XRN2: variants seen among roughly 807,000 people sequenced by gnomAD.
XRN2 encodes 5'-3' exoribonuclease 2.
A neutral mutation model predicts 138.5 loss-of-function variants in XRN2; 44 were observed. That is an observed-to-expected ratio of 0.32 (90% CI 0.25 to 0.41). The LOEUF (loss-of-function observed/expected upper bound fraction) is 0.41. Ranked by LOEUF, XRN2 falls within the 10% of genes least tolerant of loss-of-function variation. The pLI is 1.00. For synonymous variants in XRN2, 354 were observed against 369.4 expected, an observed-to-expected ratio of 0.96 and a Z score of 0.48; for missense variants, 937 against 1,169.3, an observed-to-expected ratio of 0.80 and a Z score of 2.90.
At chr20:21,361,334 A>G (rs2038634953) in intron 24 of XRN2, among the ~76,000 whole-genome samples, 1 of 152,224 alleles carries the variant, frequency 6.6e-6, no homozygotes, top group East Asian at 1.9e-4. Context: ...GTTACCTATT[A>G]AGGAAAGGAT....
chr20:21,389,217 C>T, intron 29 of XRN2, 56 bp from the exon 30 acceptor site: 1 of 1,505,920 alleles, frequency 6.6e-7, no homozygotes, highest in African/African-American at 1.4e-5. Context: ...TTAAAGTTAA[C>T]TGACTTGCAG....
intron 1 of XRN2, among the ~76,000 whole-genome samples, chr20:21,322,709 G>C (rs938946893): frequency 3.3e-5 from 5 of 152,104 alleles, no homozygotes; most frequent in African/African-American, 1.2e-4. Context: ...AACATTATTT[G>C]TATATTTGTA....
intron 20 of XRN2, 141 bp from the exon 21 acceptor site, chr20:21,354,648 A>G: frequency 1.5e-6 from 1 of 660,264 alleles, no homozygotes; most frequent in Non-Finnish European, 2.6e-6. Context: ...TTTTGGCTTA[A>G]TGAGACAATA....
chr20:21,321,339 G>A (rs2038041048), intron 1 of XRN2, among the ~76,000 whole-genome samples: 1 of 150,106 alleles, frequency 6.7e-6, no homozygotes, highest in South Asian at 2.1e-4. Flanking sequence ...GTGTGTGTGT[G>A]TGTGTGTGTG....
chr20:21,339,183 A>G, intron 14 of XRN2, 95 bp downstream of exon 14: 2 of 1,306,694 alleles, frequency 1.5e-6, no homozygotes, highest in Non-Finnish European at 2.2e-6. Context: ...CTTGTCCAGT[A>G]GGACTTAGTC....
At chr20:21,381,678 T>C (rs1453172165) in intron 27 of XRN2, among the ~76,000 whole-genome samples, 1 of 148,210 alleles carries the variant, frequency 6.7e-6, no homozygotes, top group African/African-American at 2.5e-5. Context: ...ATGTAAAAAC[T>C]GTGTGTAATG....
chr20:21,367,930 T>C (rs996640063), intron 26 of XRN2, among the ~76,000 whole-genome samples: 1 of 152,174 alleles, frequency 6.6e-6, no homozygotes, highest in African/African-American at 2.4e-5. Context: ...ATGAGCATAA[T>C]TATATGCCCA....
intron 27 of XRN2, among the ~76,000 whole-genome samples, chr20:21,376,185 A>T (rs968410802): frequency 1.3e-5 from 2 of 151,946 alleles, no homozygotes; most frequent in African/African-American, 4.8e-5. Context: ...AGTGGCTCAC[A>T]CCTGTAATCC....
At chr20:21,303,706 G>A (rs2037772161) in intron 1 of XRN2, 6 of 1,260,834 alleles carry the variant, frequency 4.8e-6, no homozygotes, top group Non-Finnish European at 6.0e-6. Context: ...ATAGGGTTCC[G>A]AACTCGCAGG....
rs142928792 is a variant in XRN2, at chr20:21,359,365, T to C, written c.2255+1573T>C. On this transcript the variant is annotated intron_variant, in intron 24 of 29. Transcript: ENST00000377191. Reference sequence around the variant, plus strand: ...GCCTGGCCAACATGGTGAAACCCTATCTCTACTAAAACTGCAAAAAATTAG... The same window carrying C: ...GCCTGGCCAACATGGTGAAACCCTACCTCTACTAAAACTGCAAAAAATTAG... Among the ~76,000 whole-genome samples the C allele has an allele frequency of 4.0e-3, 611 of 152,116 alleles. 7 individuals are homozygous for C. The highest frequency in any genetic ancestry group is 0.014 in the African/African-American group (597 of 41,494).
In XRN2 at chr20:21,346,538, A is replaced by T. The variant is rs781272329; in HGVS notation, c.1653A>T (p.Arg551Ser). The T allele has an allele frequency of 6.2e-7, 1 of 1,613,778 alleles. No homozygotes were observed. Among genetic ancestry groups the T allele is most frequent in the Admixed American group, 1.7e-5 (1 of 59,984 alleles). ...TTGAAGGACTTTGCTGGGTTCTTAG[A>T]TATTATTACCAGGTACAAAAAGAAT... is the stretch of plus-strand genomic sequence containing the variant. ...SYVEGLCWVL[R>S]YYYQGCASWK... The change falls in exon 17 of 30, where the codon AGA becomes AGT. Residue 551 changes from arginine (R) to serine (S), a missense_variant. Transcript: ENST00000377191.
intron 28 of XRN2, among the ~76,000 whole-genome samples, chr20:21,386,384 G>C (rs2038937103): frequency 6.6e-6 from 1 of 152,192 alleles, no homozygotes; most frequent in Admixed American, 6.5e-5. Flanking sequence ...AAACAGCCAA[G>C]TCTCCTACCC....
chr20:21,367,493 A>T (rs2122315841), intron 26 of XRN2, among the ~76,000 whole-genome samples: 1 of 152,168 alleles, frequency 6.6e-6, no homozygotes. Flanking sequence ...TGGGCTTTAG[A>T]TCTTAAATGT....
At position 21,386,924 on chromosome 20, in the gene XRN2, C is replaced by T. The variant is rs1366578738; in HGVS notation, c.2705C>T (p.Ala902Val). ...PWNRMLQTQNAAFQPNQYQML... is the reference protein window; with the variant it reads ...PWNRMLQTQNVAFQPNQYQML... ...AACCGGATGCTGCAAACCCAGAATG[C>T]AGCCTTCCAGCCAAACCAGTACCAG... Residue 902 changes from alanine (A) to valine (V), a missense_variant, in exon 29 of 30, where the codon GCA becomes GTA. Ala to Val is a moderately conservative substitution (Grantham distance 64, BLOSUM62 0). Around this residue, in one of 6 missense-constraint regions of XRN2, gnomAD observed 372 missense variants for 414.4 expected, o/e 0.90. Transcript: ENST00000377191. 6.2e-7 allele frequency: 1 copy of T among 1,613,994 alleles called. No individual in the cohort carries two copies.
At chr20:21,325,484 A>G (rs2038112173) in intron 1 of XRN2, among the ~76,000 whole-genome samples, 1 of 152,222 alleles carries the variant, frequency 6.6e-6, no homozygotes, top group South Asian at 2.1e-4. Flanking sequence ...CTTGGGAGAT[A>G]TGTACAAGGT....
At chr20:21,386,776 G>C in intron 28 of XRN2, 92 bp from the exon 29 acceptor site, 1 of 1,486,166 alleles carries the variant, frequency 6.7e-7, no homozygotes, top group Non-Finnish European at 9.1e-7. Context: ...AAATTGGATT[G>C]TACTAAAATT....
chr20:21,381,769 G>T (rs1019945539), intron 27 of XRN2, among the ~76,000 whole-genome samples: 1 of 151,750 alleles, frequency 6.6e-6, no homozygotes, highest in African/African-American at 2.4e-5. Context: ...GTGACCAGGG[G>T]TTACTAAACC....
At chr20:21,317,343 T>C (rs1416052791) in intron 1 of XRN2, among the ~76,000 whole-genome samples, 2 of 152,218 alleles carry the variant, frequency 1.3e-5, no homozygotes, top group East Asian at 3.8e-4. Context: ...TTTCGAACGC[T>C]TTTTCTATAT....
chr20:21,317,476 A>G (rs2037975939), intron 1 of XRN2, among the ~76,000 whole-genome samples: 1 of 152,108 alleles, frequency 6.6e-6, no homozygotes, highest in Non-Finnish European at 1.5e-5. Flanking sequence ...GGTGTATAAT[A>G]TTTTAATATA....
Sources: allele counts gnomAD v4.1 joint callset (sites outside exome capture counted in the v4.1 genomes callset), GRCh38; gene constraint gnomAD v4.1.1; regional missense constraint gnomAD v4.1.1; transcripts MANE v1.5; gene names NCBI Gene and HGNC (gene_info 2026-07-23, HGNC 2026-07-21).